Variants in SEC23IP observed in about 807,000 individuals in gnomAD.
SEC23IP encodes the protein SEC23-interacting protein.
In SEC23IP, 70 loss-of-function variants were observed where a neutral mutation model predicts 113.4. The observed-to-expected ratio is 0.62, with a 90% CI of 0.51 to 0.75. The LOEUF (loss-of-function observed/expected upper bound fraction) is 0.75, where lower values mean the gene tolerates loss of function less well. Ranked by LOEUF, SEC23IP falls within the 30% of genes least tolerant of loss-of-function variation. The probability of loss-of-function intolerance (pLI) is 0.00; values close to 1 mark genes in which losing one functional copy is unlikely to be tolerated. For missense variants in SEC23IP, 1,160 were observed against 1,204.9 expected, an observed-to-expected ratio of 0.96 and a Z score of 0.55; for synonymous variants, 398 against 421.0, an observed-to-expected ratio of 0.95 and a Z score of 0.67.
chr10:119,920,864 T>C lies in SEC23IP; in HGVS notation c.2026-25T>C, dbSNP rs768769261. 3.4e-5 allele frequency: 49 copies of C among 1,445,206 alleles called. 1 individual carries two copies. The South Asian group carries it at 5.7e-4, about 17-fold the overall frequency. 89.5% of individuals were successfully genotyped at this position (1,445,206 alleles called of 1,614,324 possible). A position where few individuals can be genotyped will look rare whatever the true frequency, so the allele number is the denominator to read the frequency against. Reference sequence around the variant, plus strand: ...GTTCTTCTATCACTAGATTGATTAATGTGCTTGTCTGTTTCCTTTTAAAGC... The same window carrying C: ...GTTCTTCTATCACTAGATTGATTAACGTGCTTGTCTGTTTCCTTTTAAAGC... On this transcript the variant is annotated intron_variant, in intron 11 of 18. Coordinates refer to ENST00000369075, the MANE Select transcript of SEC23IP (RefSeq NM_007190.4).
Position 119,926,236 on chromosome 10 carries a change from A to G in SEC23IP, c.2313+9A>G. 1.9e-6 allele frequency: 3 copies of G among 1,613,012 alleles called. No homozygotes were observed. The highest frequency in any genetic ancestry group is 1.1e-5 in the South Asian group (1 of 90,978). On this transcript the variant is annotated intron_variant, in intron 13 of 18. Coordinates refer to ENST00000369075, the MANE Select transcript of SEC23IP (RefSeq NM_007190.4). ...AAGTTGGCGCCGGACAGGTGAGTTT[A>G]CATATTGACTGGGGCTACATAGTTC...
chr10:119,924,671 C>G (rs887016313), intron 12 of SEC23IP, among the ~76,000 whole-genome samples: 3 of 152,098 alleles, frequency 2.0e-5, no homozygotes, highest in African/African-American at 7.2e-5. Flanking sequence ...CCTCGGCCTC[C>G]CAAAGTGCTG....
At chr10:119,929,811 A>G in intron 14 of SEC23IP, 49 bp downstream of exon 14, 3 of 1,418,540 alleles carry the variant, frequency 2.1e-6, no homozygotes, top group South Asian at 1.2e-5. Flanking sequence ...TTTCTTTTTT[A>G]AACATTTTTT....
chr10:119,906,649 C>T (rs1854676632), intron 4 of SEC23IP, among the ~76,000 whole-genome samples: 1 of 152,118 alleles, frequency 6.6e-6, no homozygotes, highest in African/African-American at 2.4e-5. Flanking sequence ...GATTTCAGCT[C>T]ACTGTAACCT....
At position 119,915,700 on chromosome 10, in the gene SEC23IP, A is replaced by T. The variant is rs755202545; in HGVS notation, c.1403-48A>T. ...TGAGGTAACTGCTGACTAGCTATCAAGCTAGGAGAATTTAATTTATTTTCT... is the reference window on the plus strand; with the variant it reads ...TGAGGTAACTGCTGACTAGCTATCATGCTAGGAGAATTTAATTTATTTTCT... On this transcript the variant is annotated intron_variant, in intron 7 of 18. Coordinates refer to ENST00000369075, the MANE Select transcript of SEC23IP (RefSeq NM_007190.4). The T allele has an allele frequency of 3.6e-6, 5 of 1,402,802 alleles. 1 individual carries two copies. The South Asian group carries it at 6.9e-5, about 19-fold the overall frequency. 86.9% of individuals were successfully genotyped at this position (1,402,802 alleles called of 1,614,324 possible).
At chr10:119,905,107 C>G (rs12258695) in intron 4 of SEC23IP, among the ~76,000 whole-genome samples, 26,978 of 151,364 alleles carry the variant, frequency 0.18, 2,593 homozygotes, top group Non-Finnish European at 0.22. Context: ...GCACTCCAGC[C>G]TGGGCAATGG....
At chr10:119,904,954 C>T (rs61870593) in intron 4 of SEC23IP, among the ~76,000 whole-genome samples, 8,201 of 151,998 alleles carry the variant, frequency 0.054, 409 homozygotes, top group South Asian at 0.25. Flanking sequence ...ACCAACATGG[C>T]GAAACCATGT....
At position 119,892,822 on chromosome 10, in the gene SEC23IP, T is replaced by G. The variant is rs755848243; in HGVS notation, c.40T>G (p.Ser14Ala). The stretch of plus-strand genomic sequence containing the variant: ...ACCTAACGGTGGCAGCGGCGGCGCC[T>G]CCACTTCCTCATCGGGCACTAACTT... The part of the protein sequence containing the change: ...RKPNGGSGGA[S>A]TSSSGTNLLF... Residue 14 changes from serine to alanine, a missense_variant, in exon 1 of 19, where the codon TCC becomes GCC. Ser to Ala is a moderately conservative substitution (Grantham distance 99). Transcript: ENST00000369075. 2.5e-6 allele frequency: 4 copies of G among 1,612,992 alleles called. No homozygotes were observed. Among genetic ancestry groups the G allele is most frequent in the South Asian group, 1.1e-5 (1 of 90,894 alleles).
chr10:119,907,596 C>A (rs1854718414), intron 4 of SEC23IP, among the ~76,000 whole-genome samples: 1 of 152,152 alleles, frequency 6.6e-6, no homozygotes, highest in Non-Finnish European at 1.5e-5. Flanking sequence ...TCCGTATCCA[C>A]AGGTTCCGTA....
intron 11 of SEC23IP, 102 bp downstream of exon 11, chr10:119,919,698 A>G (rs1589839305): frequency 1.1e-6 from 1 of 879,014 alleles, no homozygotes; most frequent in East Asian, 2.8e-5. Flanking sequence ...TCCAGAGTAG[A>G]CAAAGACTGA....
At chr10:119,926,310 A>C (rs947294807) in intron 13 of SEC23IP, 83 bp downstream of exon 13, 5 of 1,304,456 alleles carry the variant, frequency 3.8e-6, no homozygotes, top group Admixed American at 2.4e-5. Flanking sequence ...AAGTTCTTTA[A>C]ATATTTATTT....
In SEC23IP at chr10:119,940,778, A is replaced by G. The variant is rs1418116289; in HGVS notation, c.*213A>G. The stretch of plus-strand genomic sequence containing the variant: ...ACACAGTGAAAAAAATCAGTACCAC[A>G]TTTGGACAGTATAGGTGAGAAAACA... On this transcript the variant is annotated 3_prime_UTR_variant, in exon 19 of 19. Transcript: ENST00000369075. 6.6e-6 allele frequency: 1 copy of G among 152,200 alleles called. No individual in the cohort carries two copies. The highest frequency in any genetic ancestry group is 1.5e-5 in the Non-Finnish European group (1 of 68,030). 9.4% of individuals were successfully genotyped at this position (152,200 alleles called of 1,614,324 possible). A position where few individuals can be genotyped will look rare whatever the true frequency, so the allele number is the denominator to read the frequency against.
At chr10:119,908,131 G>A (rs1220747627) in intron 4 of SEC23IP, among the ~76,000 whole-genome samples, 9 of 152,072 alleles carry the variant, frequency 5.9e-5, no homozygotes, top group African/African-American at 1.4e-4. Flanking sequence ...TATCTTTGAG[G>A]GGTCTTGGAT....
intron 6 of SEC23IP, among the ~76,000 whole-genome samples, chr10:119,912,642 C>CTTTTTTTTTTTTT (rs760515822): frequency 1.7e-5 from 2 of 116,416 alleles, no homozygotes. Flanking sequence ...TTTTCTTTTT[C>CTTTTTTTTTTTTT]TTTTTTTTTT....
At chr10:119,918,741 C>T (rs570772253) in intron 10 of SEC23IP, among the ~76,000 whole-genome samples, 3 of 152,250 alleles carry the variant, frequency 2.0e-5, no homozygotes, top group South Asian at 4.1e-4. Context: ...TCAGAGAATC[C>T]CCAAATTCAG....
At chr10:119,895,259 C>CTGTAA (rs1854236793) in intron 1 of SEC23IP, among the ~76,000 whole-genome samples, 1 of 152,154 alleles carries the variant, frequency 6.6e-6, no homozygotes, top group Admixed American at 6.5e-5. Context: ...TGGTGGGCGC[C>CTGTAA]TGTAATCCCA....
At chr10:119,910,902 C>T (rs373780990) in intron 5 of SEC23IP, among the ~76,000 whole-genome samples, 9 of 151,846 alleles carry the variant, frequency 5.9e-5, no homozygotes, top group African/African-American at 2.2e-4. Flanking sequence ...CCAGGCTGGT[C>T]TTGAACTCTT....
intron 8 of SEC23IP, among the ~76,000 whole-genome samples, chr10:119,917,019 C>T (rs1349943488): frequency 6.6e-6 from 1 of 152,026 alleles, no homozygotes; most frequent in East Asian, 1.9e-4. Flanking sequence ...TAGGTGCAAG[C>T]CGCCATGCCT....
chr10:119,904,117 C>T lies in SEC23IP; in HGVS notation c.941C>T (p.Thr314Met), dbSNP rs150120116. 1.9e-5 allele frequency: 31 copies of T among 1,614,028 alleles called. No homozygotes were observed. The highest frequency in any genetic ancestry group is 2.7e-5 in the African/African-American group (2 of 74,906). Residue 314 changes from threonine (T) to methionine (M), a missense_variant, in exon 4 of 19, where the codon ACG becomes ATG. Coordinates refer to ENST00000369075, the MANE Select transcript of SEC23IP (RefSeq NM_007190.4). ...GATCCGGAGAGCGTGGTTCTTGGCA[C>T]GGATGGAGGGCGCTACGATGTTTAC... ...QPDPESVVLG[T>M]DGGRYDVYLY...
Sources: allele counts gnomAD v4.1 joint callset (sites outside exome capture counted in the v4.1 genomes callset), GRCh38; gene constraint gnomAD v4.1.1; transcripts MANE v1.5; gene names NCBI Gene and HGNC (gene_info 2026-07-23, HGNC 2026-07-21).